The following POSTN variants were observed in gnomAD, a reference collection of about 807,000 sequenced individuals.
POSTN encodes osteoblast specific factor 2 (fasciclin I-like).
POSTN carries 71 observed loss-of-function variants against 104.5 expected under a neutral mutation model. The ratio of observed to expected loss-of-function variants is 0.68; its 90% CI spans 0.56 to 0.83. The LOEUF (loss-of-function observed/expected upper bound fraction) is 0.83, where lower values mean the gene tolerates loss of function less well. POSTN is among the 40% of genes least tolerant of loss of function. POSTN has a pLI of 0.00. For missense variants in POSTN, 949 were observed against 1,006.8 expected (o/e 0.94, Z 0.78); for synonymous variants, 355 against 340.7 (o/e 1.04, Z -0.46).
intron 17 of POSTN, 106 bp from the exon 18 acceptor site, chr13:37,571,564 A>C: frequency 1.2e-6 from 1 of 803,206 alleles, no homozygotes; most frequent in Non-Finnish European, 2.0e-6. Context: ...CTCAAATGTC[A>C]AAGTGGTTTC....
Position 37,580,000 on chromosome 13 carries a change from GA to G in POSTN, c.1530-10del. ...GTAGGCTGAGGAAGGTGCTAAGTGGGAAGAATGTATATGTATTTTGTCAGAT... is the reference window on the plus strand; with the variant it reads ...GTAGGCTGAGGAAGGTGCTAAGTGGGAGAATGTATATGTATTTTGTCAGAT... On this transcript the variant is annotated splice_polypyrimidine_tract_variant and intron_variant, in intron 11 of 22. Transcript: ENST00000379747. 6.2e-7 allele frequency: 1 copy of G among 1,610,534 alleles called. No homozygotes were observed. The highest frequency in any genetic ancestry group is 8.5e-7 in the Non-Finnish European group (1 of 1,177,634).
chr13:37,570,936 T>C (rs1454890113), intron 18 of POSTN: 2 of 362,920 alleles, frequency 5.5e-6, no homozygotes, highest in African/African-American at 4.1e-5. Context: ...GTGGAATAAA[T>C]ACTTAGTGAG....
At chr13:37,582,053 T>A (rs1357923439) in intron 10 of POSTN, among the ~76,000 whole-genome samples, 1 of 152,198 alleles carries the variant, frequency 6.6e-6, no homozygotes, top group African/African-American at 2.4e-5. Context: ...CCTTGAAAAT[T>A]GTAAAGTACT....
Position 37,587,914 on chromosome 13 carries a change from T to C in POSTN, c.514A>G (p.Lys172Glu). The stretch of plus-strand genomic sequence containing the variant: ...TTTAAGTCCTTGGTCAACATTCTCT[T>C]ATTAATCATGTGACTATGTAAAGCA... ...LNALHSHMIN[K>E]RMLTKDLKNG... The change falls in exon 5 of 23, where the codon AAG (lysine) becomes GAG (glutamate). Residue 172 changes from lysine to glutamate, a missense_variant. Coordinates refer to ENST00000379747, the MANE Select transcript of POSTN (RefSeq NM_006475.3). 6.3e-7 allele frequency: 1 copy of C among 1,599,438 alleles called. No homozygotes were observed. The highest frequency in any genetic ancestry group is 1.3e-5 in the African/African-American group (1 of 74,658).
intron 4 of POSTN, among the ~76,000 whole-genome samples, 159 bp from the exon 5 acceptor site, chr13:37,588,145 G>A (rs1950808814): frequency 6.6e-6 from 1 of 152,024 alleles, no homozygotes; most frequent in Admixed American, 6.6e-5. Context: ...ATTCTAATTG[G>A]TTAAGGGATT....
At position 37,584,103 on chromosome 13, in the gene POSTN, G is replaced by A; in HGVS notation, c.1109C>T (p.Ala370Val). The stretch of plus-strand genomic sequence containing the variant: ...TCCAGCCAGCTCAATAACTTGTTTG[G>A]CTGAAAAATAAACCATCACCATCAC... ...LIDQVLIPDS[A>V]KQVIELAGKQ... The change falls in exon 9 of 23, where the codon GCC becomes GTC. Residue 370 changes from alanine to valine, a missense_variant and splice_region_variant. Physicochemically the swap from Ala to Val is moderately conservative, Grantham distance 64. Coordinates refer to ENST00000379747, the MANE Select transcript of POSTN (RefSeq NM_006475.3). 6.2e-7 allele frequency: 1 copy of A among 1,613,458 alleles called. No individual in the cohort carries two copies. The highest frequency in any genetic ancestry group is 1.3e-5 in the African/African-American group (1 of 75,002).
In POSTN at chr13:37,590,549, A is replaced by C. The variant is rs766360623; in HGVS notation, c.284-20T>G. Reference sequence around the variant, plus strand: ...GCAAAACTGAAATAATCAAGAAATGAATCAGTACTGGGGATAATATTCTCA... The same window carrying C: ...GCAAAACTGAAATAATCAAGAAATGCATCAGTACTGGGGATAATATTCTCA... On this transcript the variant is annotated intron_variant, in intron 3 of 22. Coordinates refer to ENST00000379747, the MANE Select transcript of POSTN (RefSeq NM_006475.3). 3 of 1,600,378 alleles carry C rather than the reference A, an allele frequency of 1.9e-6. No individual in the cohort carries two copies. The highest frequency in any genetic ancestry group is 2.7e-5 in the African/African-American group (2 of 74,636).
At chr13:37,575,803 T>C (rs1313832747) in intron 16 of POSTN, among the ~76,000 whole-genome samples, 1 of 152,164 alleles carries the variant, frequency 6.6e-6, no homozygotes, top group Non-Finnish European at 1.5e-5. Context: ...TATTAGGTTT[T>C]GTATTTTGAG....
chr13:37,566,615 A>G (rs1950109104), intron 21 of POSTN, among the ~76,000 whole-genome samples: 3 of 152,324 alleles, frequency 2.0e-5, no homozygotes, highest in South Asian at 4.1e-4. Context: ...ATGCAGACCT[A>G]CAACTCGATC....
At chr13:37,585,331 C>T (rs1287435842) in intron 7 of POSTN, among the ~76,000 whole-genome samples, 4 of 151,518 alleles carry the variant, frequency 2.6e-5, no homozygotes, top group Non-Finnish European at 4.4e-5. Context: ...TGTTTGAGGC[C>T]GGGAGTTCAA....
intron 5 of POSTN, among the ~76,000 whole-genome samples, chr13:37,587,181 G>GT (rs1329384435): frequency 1.3e-5 from 2 of 151,996 alleles, no homozygotes; most frequent in Non-Finnish European, 2.9e-5. Flanking sequence ...AGGCAAAGGT[G>GT]TTTTTTTCAT....
intron 16 of POSTN, 25 bp from the exon 17 acceptor site, chr13:37,574,677 GA>G: frequency 6.5e-7 from 1 of 1,548,806 alleles, no homozygotes; most frequent in Non-Finnish European, 8.6e-7. Flanking sequence ...AGTGGAACAT[GA>G]AAAATATTTA....
chr13:37,575,812 A>T (rs1245961646), intron 16 of POSTN, among the ~76,000 whole-genome samples: 1 of 152,090 alleles, frequency 6.6e-6, no homozygotes, highest in African/African-American at 2.4e-5. Context: ...TTGTATTTTG[A>T]GATCTCAAAT....
At chr13:37,594,424 G>A (rs2138397417) in intron 2 of POSTN, among the ~76,000 whole-genome samples, 1 of 152,020 alleles carries the variant, frequency 6.6e-6, no homozygotes, top group South Asian at 2.1e-4. Flanking sequence ...TTATCTCTGA[G>A]CGGATATTTT....
At chr13:37,588,068 T>G in intron 4 of POSTN, 82 bp from the exon 5 acceptor site, 2 of 1,132,834 alleles carry the variant, frequency 1.8e-6, no homozygotes, top group Non-Finnish European at 2.6e-6. Context: ...TTCTACTCTC[T>G]TGCTATTTTC....
intron 3 of POSTN, 61 bp downstream of exon 3, chr13:37,592,039 G>T: frequency 8.3e-7 from 1 of 1,198,086 alleles, no homozygotes; most frequent in Non-Finnish European, 1.2e-6. Context: ...TTCTCCACAA[G>T]CCACCTCAAC....
At chr13:37,570,405 A>G (rs1189538660) in intron 19 of POSTN, among the ~76,000 whole-genome samples, 175 bp downstream of exon 19, 1 of 151,884 alleles carries the variant, frequency 6.6e-6, no homozygotes, top group Non-Finnish European at 1.5e-5. Context: ...TTTTCAATTC[A>G]GAGTAAAACA....
At chr13:37,586,577 C>T (rs1230335208) in intron 6 of POSTN, among the ~76,000 whole-genome samples, 1 of 152,176 alleles carries the variant, frequency 6.6e-6, no homozygotes, top group Non-Finnish European at 1.5e-5. Flanking sequence ...AGTCATGTGA[C>T]TAACCATTCT....
chr13:37,564,463 C>A (rs1445781428), intron 22 of POSTN, 56 bp downstream of exon 22: 2 of 912,522 alleles, frequency 2.2e-6, no homozygotes, highest in East Asian at 2.7e-5. Context: ...TGTTTGATTT[C>A]TCTTCATGTA....
Sources: allele counts gnomAD v4.1 joint callset (sites outside exome capture counted in the v4.1 genomes callset), GRCh38; gene constraint gnomAD v4.1.1; transcripts MANE v1.5; gene names NCBI Gene and HGNC (gene_info 2026-07-23, HGNC 2026-07-21).